The following CCDC148 variants were observed in gnomAD, a reference collection of about 807,000 sequenced individuals.
CCDC148 encodes the protein coiled-coil domain-containing protein 148.
CCDC148 carries 89 observed loss-of-function variants against 85.7 expected under a neutral mutation model. That is an observed-to-expected ratio of 1.04 (90% CI 0.87 to 1.24). The LOEUF (loss-of-function observed/expected upper bound fraction) is 1.24. Ranked by LOEUF, CCDC148 falls within the 50% of genes most tolerant of loss-of-function variation. The pLI, the probability that CCDC148 is intolerant of heterozygous loss-of-function variation, is 0.00. For synonymous variants in CCDC148, 230 were observed against 213.9 expected, an observed-to-expected ratio of 1.08 and a Z score of -0.66; for missense variants, 692 against 671.7, an observed-to-expected ratio of 1.03 and a Z score of -0.33.
intron 9 of CCDC148, among the ~76,000 whole-genome samples, chr2:158,287,004 G>A (rs1156559810): frequency 6.6e-6 from 1 of 152,170 alleles, no homozygotes; most frequent in African/African-American, 2.4e-5. Flanking sequence ...GGCTGGGGAG[G>A]CCTTAGAATC....
intron 1 of CCDC148, among the ~76,000 whole-genome samples, chr2:158,363,157 A>C (rs1317462547): frequency 6.6e-6 from 1 of 152,200 alleles, no homozygotes; most frequent in African/African-American, 2.4e-5. Context: ...ACAAGTTCTG[A>C]AATTGAGGCA....
chr2:158,399,901 C>T (rs910751577), intron 1 of CCDC148, among the ~76,000 whole-genome samples: 2 of 151,432 alleles, frequency 1.3e-5, no homozygotes, highest in African/African-American at 2.4e-5. Flanking sequence ...CATTCCTATA[C>T]ACAACATACA....
At chr2:158,421,931 C>G (rs1354961737) in intron 1 of CCDC148, among the ~76,000 whole-genome samples, 1 of 152,132 alleles carries the variant, frequency 6.6e-6, no homozygotes, top group Non-Finnish European at 1.5e-5. Context: ...CACAGAAATA[C>G]AAACTACCAT....
chr2:158,451,841 A>G (rs1573848088), intron 1 of CCDC148, among the ~76,000 whole-genome samples: 1 of 152,110 alleles, frequency 6.6e-6, no homozygotes, highest in Non-Finnish European at 1.5e-5. Flanking sequence ...AAGTCATAAT[A>G]TCTGTTTTCT....
intron 1 of CCDC148, among the ~76,000 whole-genome samples, chr2:158,428,042 A>C (rs1202401833): frequency 1.3e-5 from 2 of 152,144 alleles, no homozygotes; most frequent in East Asian, 3.9e-4. Flanking sequence ...AAAATCAATA[A>C]GAATCTATGG....
intron 1 of CCDC148, among the ~76,000 whole-genome samples, chr2:158,369,098 G>A (rs879594173): frequency 2.0e-5 from 3 of 152,042 alleles, no homozygotes; most frequent in Non-Finnish European, 4.4e-5. Context: ...TCTGCCAGGC[G>A]AAATGATGTT....
intron 9 of CCDC148, among the ~76,000 whole-genome samples, chr2:158,283,659 C>T (rs1238678954): frequency 6.6e-6 from 1 of 151,962 alleles, no homozygotes; most frequent in Admixed American, 6.6e-5. Context: ...GAAATAGGAA[C>T]ACTTTTACAC....
intron 9 of CCDC148, among the ~76,000 whole-genome samples, chr2:158,306,812 G>A: frequency 6.9e-6 from 1 of 144,778 alleles, no homozygotes; most frequent in Admixed American, 7.0e-5. Context: ...ATGTACCCTA[G>A]AACTTAGAGT....
At chr2:158,349,760 T>C (rs1424433548) in intron 2 of CCDC148, among the ~76,000 whole-genome samples, 17 of 151,946 alleles carry the variant, frequency 1.1e-4, no homozygotes, top group Admixed American at 1.1e-3. Context: ...TAATAAAAAA[T>C]GAAAACTGCA....
chr2:158,359,569 A>C (rs560914116), intron 1 of CCDC148, among the ~76,000 whole-genome samples: 2 of 152,266 alleles, frequency 1.3e-5, no homozygotes, highest in African/African-American at 4.8e-5. Context: ...TCACCCAGGA[A>C]GCACAAGAAG....
At chr2:158,357,990 C>G (rs1683747719) in intron 2 of CCDC148, among the ~76,000 whole-genome samples, 1 of 152,124 alleles carries the variant, frequency 6.6e-6, no homozygotes, top group Non-Finnish European at 1.5e-5. Flanking sequence ...AATCTCCTTT[C>G]AAATCTAGCC....
rs192850381 is a variant in CCDC148 at position 158,455,743 on chromosome 2, T to G, written c.25+672A>C. On this transcript the variant is annotated intron_variant, in intron 1 of 13. Coordinates refer to ENST00000283233, the MANE Select transcript of CCDC148 (RefSeq NM_138803.4). Reference sequence around the variant, plus strand: ...CAATATCATCTTTTAAAGCCTAATATGTTCATGAAATCTCACTTTAAGAAG... The same window carrying G: ...CAATATCATCTTTTAAAGCCTAATAGGTTCATGAAATCTCACTTTAAGAAG... Among the ~76,000 whole-genome samples, 226 of 152,344 alleles carry G rather than the reference T, an allele frequency of 1.5e-3. 1 individual carries two copies. The highest frequency in any genetic ancestry group is 5.0e-3 in the African/African-American group (208 of 41,564).
chr2:158,252,722 T>A (rs1298599790), intron 9 of CCDC148, among the ~76,000 whole-genome samples: 2 of 151,694 alleles, frequency 1.3e-5, no homozygotes, highest in Admixed American at 6.6e-5. Context: ...TATCCTCTCA[T>A]TAACCTCCAA....
chr2:158,272,273 C>T (rs907670759), intron 9 of CCDC148, among the ~76,000 whole-genome samples: 4 of 152,072 alleles, frequency 2.6e-5, no homozygotes, highest in South Asian at 2.1e-4. Context: ...ACAAGCAGAG[C>T]ATGTGCTAGA....
At chr2:158,435,816 G>A (rs886627011) in intron 1 of CCDC148, among the ~76,000 whole-genome samples, 16 of 152,034 alleles carry the variant, frequency 1.1e-4, no homozygotes, top group African/African-American at 3.9e-4. Context: ...AAAAAAGCAG[G>A]GGTTGCAATC....
rs1413750531 is a variant in CCDC148 at position 158,171,996 on chromosome 2, G to T, written c.*117C>A. The T allele has an allele frequency of 1.3e-6, 1 of 782,476 alleles. No individual in the cohort carries two copies. Among genetic ancestry groups the T allele is most frequent in the African/African-American group, 1.8e-5 (1 of 54,640 alleles). The allele number at this position is 782,476 out of a possible 1,614,324, so 48.5% of individuals were successfully genotyped here. A position where few individuals can be genotyped will look rare whatever the true frequency, so the allele number is the denominator to read the frequency against. ...AAAGAAAGGCAAAGTTGTTTTAATA[G>T]ATGCTATGATTTCTATGTCTGATAT... On this transcript the variant is annotated 3_prime_UTR_variant, in exon 14 of 14. Transcript: ENST00000283233.
chr2:158,437,706 C>T (rs1687727587), intron 1 of CCDC148, among the ~76,000 whole-genome samples: 1 of 152,168 alleles, frequency 6.6e-6, no homozygotes, highest in Non-Finnish European at 1.5e-5. Flanking sequence ...TTGCAGATGA[C>T]ATAATTGTAT....
chr2:158,435,803 C>CA (rs1208121286), intron 1 of CCDC148, among the ~76,000 whole-genome samples: 6 of 151,056 alleles, frequency 4.0e-5, no homozygotes, highest in East Asian at 3.9e-4. Context: ...AAATAGAAAA[C>CA]AAAAAAAAGC....
At chr2:158,453,668 A>G (rs1688493767) in intron 1 of CCDC148, among the ~76,000 whole-genome samples, 1 of 152,154 alleles carries the variant, frequency 6.6e-6, no homozygotes, top group African/African-American at 2.4e-5. Flanking sequence ...TGCCTCTGCT[A>G]TGCTTCTTAG....
Sources: gnomAD v4.1 joint callset for allele counts (sites outside exome capture counted in the v4.1 genomes callset) on GRCh38, gnomAD v4.1.1 for gene constraint, MANE v1.5 for transcripts, NCBI Gene and HGNC (gene_info 2026-07-23, HGNC 2026-07-21) for gene names.